GMDS: variants seen among roughly 807,000 people sequenced by gnomAD.
GMDS encodes the protein GDP-mannose 4,6 dehydratase.
Under a neutral mutation model 49.9 loss-of-function variants are expected in GMDS, and 20 were observed. That is an observed-to-expected ratio of 0.40 (90% CI 0.28 to 0.58). The LOEUF (loss-of-function observed/expected upper bound fraction) is 0.58, where lower values mean the gene tolerates loss of function less well. Ranked by LOEUF, GMDS falls within the 20% of genes least tolerant of loss-of-function variation. The probability of loss-of-function intolerance (pLI) is 0.42; values close to 1 mark genes in which losing one functional copy is unlikely to be tolerated. For missense variants in GMDS, 362 were observed against 481.4 expected (o/e 0.75, Z 2.32); for synonymous variants, 177 against 178.6 (o/e 0.99, Z 0.07).
intron 4 of GMDS, among the ~76,000 whole-genome samples, chr6:1,989,321 GAGA>G (rs914338279): frequency 1.3e-5 from 2 of 152,180 alleles, no homozygotes; most frequent in African/African-American, 4.8e-5. Context: ...GTTAATGGAA[GAGA>G]AGGTTACATG....
chr6:1,987,330 C>T (rs78231841), intron 4 of GMDS, among the ~76,000 whole-genome samples: 91 of 152,156 alleles, frequency 6.0e-4, no homozygotes, highest in African/African-American at 1.7e-3. Context: ...AAAACACACT[C>T]GAAGTTTAAA....
In GMDS at chr6:1,904,040, G is replaced by A. The variant is rs115911646; in HGVS notation, c.771+26063C>T. Among the ~76,000 whole-genome samples, 1,098 of 152,254 alleles carry A rather than the reference G, an allele frequency of 7.2e-3. 20 individuals are homozygous for A. The highest frequency in any genetic ancestry group is 0.024 in the African/African-American group (1,010 of 41,552). ...CCAACTTTGATTTATTTCAGCTTAG[G>A]GGAGGAAGGCAAGCTTGGAACAGAA... is the stretch of plus-strand genomic sequence containing the variant. On this transcript the variant is annotated intron_variant, in intron 7 of 10. Coordinates refer to ENST00000380815, the MANE Select transcript of GMDS (RefSeq NM_001500.4).
At chr6:1,657,144 C>T (rs1057050610) in intron 9 of GMDS, among the ~76,000 whole-genome samples, 1 of 152,156 alleles carries the variant, frequency 6.6e-6, no homozygotes, top group African/African-American at 2.4e-5. Context: ...TGGCTGACCA[C>T]GAATCCTCTT....
intron 6 of GMDS, among the ~76,000 whole-genome samples, chr6:1,955,243 T>G (rs1050506973): frequency 1.1e-4 from 16 of 152,182 alleles, no homozygotes; most frequent in Non-Finnish European, 1.6e-4. Context: ...AAATGTGACT[T>G]TTTAATTATA....
intron 1 of GMDS, among the ~76,000 whole-genome samples, chr6:2,238,020 C>T (rs1056238878): frequency 2.0e-5 from 3 of 152,062 alleles, no homozygotes; most frequent in Admixed American, 2.0e-4. Flanking sequence ...GCTAAAGGTA[C>T]AGCACAGCAG....
At chr6:1,827,396 C>A (rs1470013856) in intron 7 of GMDS, among the ~76,000 whole-genome samples, 2 of 38,246 alleles carry the variant, frequency 5.2e-5, no homozygotes. Context: ...CCTGTATATA[C>A]ACACGTTTTG....
At chr6:1,703,109 T>C (rs1267752417) in intron 9 of GMDS, among the ~76,000 whole-genome samples, 6 of 152,156 alleles carry the variant, frequency 3.9e-5, no homozygotes, top group South Asian at 2.1e-4. Flanking sequence ...GACAAGCACA[T>C]GCAGTGGGTT....
At chr6:2,200,627 C>T (rs1349202251) in intron 1 of GMDS, among the ~76,000 whole-genome samples, 39 of 84,970 alleles carry the variant, frequency 4.6e-4, no homozygotes, top group Admixed American at 1.0e-3. Flanking sequence ...AGCAGAGAGG[C>T]GAAGGATGAA....
At chr6:2,151,367 C>T (rs1382059947) in intron 1 of GMDS, among the ~76,000 whole-genome samples, 1 of 151,650 alleles carries the variant, frequency 6.6e-6, no homozygotes, top group East Asian at 1.9e-4. Flanking sequence ...TTGAAGATCC[C>T]CAAAAGCAAA....
At chr6:1,731,791 C>T (rs1485777578) in intron 8 of GMDS, among the ~76,000 whole-genome samples, 2 of 152,154 alleles carry the variant, frequency 1.3e-5, no homozygotes, top group South Asian at 4.1e-4. Flanking sequence ...CCCAGAGGAG[C>T]ATGAAGTGAC....
chr6:2,052,007 C>T (rs996271758), intron 4 of GMDS, among the ~76,000 whole-genome samples: 7 of 150,754 alleles, frequency 4.6e-5, no homozygotes, highest in African/African-American at 1.5e-4. Context: ...ATCCCAGCTA[C>T]ATGGGAGGCT....
At chr6:1,803,639 T>C (rs1246522426) in intron 7 of GMDS, among the ~76,000 whole-genome samples, 1 of 152,204 alleles carries the variant, frequency 6.6e-6, no homozygotes, top group Non-Finnish European at 1.5e-5. Context: ...CAAATTTTTA[T>C]TAGGCTCTAG....
intron 9 of GMDS, among the ~76,000 whole-genome samples, chr6:1,720,527 G>T (rs1185197529): frequency 6.6e-6 from 1 of 152,134 alleles, no homozygotes; most frequent in Non-Finnish European, 1.5e-5. Context: ...GCAGTAAGAA[G>T]TTCAGAGAAT....
chr6:2,009,963 T>C (rs1372882220), intron 4 of GMDS, among the ~76,000 whole-genome samples: 5 of 152,118 alleles, frequency 3.3e-5, no homozygotes, highest in African/African-American at 2.4e-5. Context: ...CTGTCATAAA[T>C]TGATAAAGAC....
At chr6:1,928,901 C>T (rs768550349) in intron 7 of GMDS, among the ~76,000 whole-genome samples, 5 of 151,760 alleles carry the variant, frequency 3.3e-5, no homozygotes, top group Admixed American at 1.3e-4. Context: ...CCTGGGAGGC[C>T]GAGGTTGTAG....
intron 7 of GMDS, among the ~76,000 whole-genome samples, chr6:1,904,893 G>T (rs556663520): frequency 6.6e-6 from 1 of 152,202 alleles, no homozygotes; most frequent in African/African-American, 2.4e-5. Flanking sequence ...AAAGGGCAAC[G>T]TCAACAATTC....
At chr6:1,946,859 C>T (rs1044485210) in intron 6 of GMDS, among the ~76,000 whole-genome samples, 5 of 152,166 alleles carry the variant, frequency 3.3e-5, no homozygotes, top group African/African-American at 1.2e-4. Context: ...AAGAAGCTCT[C>T]TAGGCATGTT....
Position 1,960,809 on chromosome 6 carries a change from T to A in GMDS, c.503A>T (p.Lys168Met), listed in dbSNP as rs1178896937. ...CCGGGGATAGAAAGGGGTGGTCTCC[T>A]TCTGGGGTATTTCCTGCACTTTCCC... ...LYGKVQEIPQ[K>M]ETTPFYPRSP... Residue 168 changes from lysine (K) to methionine (M), a missense_variant, in exon 5 of 11, where the codon AAG (lysine) becomes ATG (methionine). Physicochemically the swap from Lys to Met is moderately conservative, Grantham distance 95. Transcript: ENST00000380815. 6.2e-7 allele frequency: 1 copy of A among 1,609,598 alleles called. No homozygotes were observed. Among genetic ancestry groups the A allele is most frequent in the Non-Finnish European group, 8.5e-7 (1 of 1,176,528 alleles).
intron 1 of GMDS, among the ~76,000 whole-genome samples, chr6:2,149,085 C>T (rs189043499): frequency 1.2e-3 from 189 of 152,066 alleles, no homozygotes; most frequent in Non-Finnish European, 1.0e-4. Flanking sequence ...ACATAAAATA[C>T]GGAAAAGAAT....
Sources: gnomAD v4.1 joint callset for allele counts (sites outside exome capture counted in the v4.1 genomes callset) on GRCh38, gnomAD v4.1.1 for gene constraint, MANE v1.5 for transcripts, NCBI Gene and HGNC (gene_info 2026-07-23, HGNC 2026-07-21) for gene names.